Variants in TARDBP observed in about 807,000 individuals in gnomAD.
TARDBP encodes the protein TAR DNA binding protein, also known as TAR DNA-binding protein 43.
TARDBP carries 4 observed loss-of-function variants against 38.3 expected under a neutral mutation model. The ratio of observed to expected loss-of-function variants is 0.10; its 90% CI spans 0.05 to 0.24. The LOEUF (loss-of-function observed/expected upper bound fraction) is 0.24, where lower values mean the gene tolerates loss of function less well. Ranked by LOEUF, TARDBP falls within the 10% of genes least tolerant of loss-of-function variation. TARDBP has a pLI of 1.00. For missense variants in TARDBP, 202 were observed against 521.9 expected (o/e 0.39, Z 5.97); for synonymous variants, 184 against 183.8 (o/e 1.00, Z -0.01).
At chr1:11,020,731 C>T (rs1643619801) in intron 5 of TARDBP, 132 bp downstream of exon 5, 6 of 880,124 alleles carry the variant, frequency 6.8e-6, no homozygotes, top group East Asian at 2.7e-5. Flanking sequence ...CATGGTGAAA[C>T]CCCGTCTCTA....
chr1:11,016,772 G>C lies in TARDBP; in HGVS notation c.239-72G>C, dbSNP rs1488807072. ...GTCTTCTTTTTGCTTCTCATTTCTAGATGTAGGAGGTAGTGTTTTTAAAGA... is the reference window on the plus strand; with the variant it reads ...GTCTTCTTTTTGCTTCTCATTTCTACATGTAGGAGGTAGTGTTTTTAAAGA... On this transcript the variant is annotated intron_variant, in intron 2 of 5. Coordinates refer to ENST00000240185, the MANE Select transcript of TARDBP (RefSeq NM_007375.4). The C allele has an allele frequency of 1.8e-5, 27 of 1,480,198 alleles. No homozygotes were observed. In the Admixed American group the frequency reaches 3.4e-4, roughly 18 times the overall value. 91.7% of individuals were successfully genotyped at this position (1,480,198 alleles called of 1,614,324 possible).
Position 11,023,318 on chromosome 1 carries a change from G to A in TARDBP, c.*664G>A, listed in dbSNP as rs1643677340. The stretch of plus-strand genomic sequence containing the variant: ...AATTCGTCATCACGCATCACAGGCC[G>A]CGTCTTTGACGGTGGGTGTCCCATT... On this transcript the variant is annotated 3_prime_UTR_variant, in exon 6 of 6. Coordinates refer to ENST00000240185, the MANE Select transcript of TARDBP (RefSeq NM_007375.4). 9.3e-6 allele frequency: 14 copies of A among 1,501,804 alleles called. No individual in the cohort carries two copies. Among genetic ancestry groups the A allele is most frequent in the African/African-American group, 5.5e-5 (4 of 72,136 alleles). The allele number at this position is 1,501,804 out of a possible 1,614,324, so 93.0% of individuals were successfully genotyped here.
intron 1 of TARDBP, 41 bp from the exon 2 acceptor site, chr1:11,013,675 C>T (rs1432129026): frequency 1.4e-6 from 2 of 1,460,820 alleles, no homozygotes; most frequent in African/African-American, 1.4e-5. Flanking sequence ...AACAGTTATT[C>T]TGACATGAAT....
chr1:11,022,535 G>A lies in TARDBP; in HGVS notation c.1126G>A (p.Gly376Ser), dbSNP rs1643661903. 2 of 1,587,982 alleles carry A rather than the reference G, an allele frequency of 1.3e-6. No individual in the cohort carries two copies. The highest frequency in any genetic ancestry group is 1.7e-5 in the Admixed American group (1 of 57,284). The change falls in exon 6 of 6, where the codon GGC (glycine) becomes AGC (serine). Residue 376 changes from glycine (G) to serine (S), a missense_variant. By Grantham distance (56) the Gly-to-Ser change is moderately conservative (BLOSUM62 0). Coordinates refer to ENST00000240185, the MANE Select transcript of TARDBP (RefSeq NM_007375.4). This position sits in a 1 kb window ranked among gnomAD's most constrained non-coding sequence, Gnocchi z 4.5. ...CGGTTCTGGAAATAACTCTTATAGT[G>A]GCTCTAATTCTGGTGCAGCAATTGG... Reference protein sequence around the residue: ...AFGSGNNSYSGSNSGAAIGWG... With the variant: ...AFGSGNNSYSSSNSGAAIGWG...
In TARDBP at chr1:11,019,157, A is replaced by G. The variant is rs140805027; in HGVS notation, c.543+284A>G. The G allele has an allele frequency of 9.1e-5, 40 of 438,554 alleles. 1 individual carries two copies. The highest frequency in any genetic ancestry group is 7.8e-4 in the South Asian group (36 of 46,328). 27.2% of individuals were successfully genotyped at this position (438,554 alleles called of 1,614,324 possible). A position where few individuals can be genotyped will look rare whatever the true frequency, so the allele number is the denominator to read the frequency against. ...TTGTCAAGTTAATAGTTTCTTACAT[A>G]GTTATATGTTAAAACATAAAGAGAA... On this transcript the variant is annotated intron_variant, in intron 4 of 5. Coordinates refer to ENST00000240185, the MANE Select transcript of TARDBP (RefSeq NM_007375.4).
chr1:11,023,359 T>C lies in TARDBP; in HGVS notation c.*705T>C, dbSNP rs1303363868. 4 of 1,172,750 alleles carry C rather than the reference T, an allele frequency of 3.4e-6. No homozygotes were observed. Among genetic ancestry groups the C allele is most frequent in the Non-Finnish European group, 4.9e-6 (4 of 810,796 alleles). The allele number at this position is 1,172,750 out of a possible 1,614,324, so 72.6% of individuals were successfully genotyped here. A position where few individuals can be genotyped will look rare whatever the true frequency, so the allele number is the denominator to read the frequency against. The stretch of plus-strand genomic sequence containing the variant: ...GTGTCCCATTTTTATCCGCTACTCT[T>C]TATTTCATGGAGTCGTATCAACGCT... On this transcript the variant is annotated 3_prime_UTR_variant, in exon 6 of 6. Transcript: ENST00000240185.
rs1172004009 is a variant in TARDBP, at chr1:11,025,134, G to GT, written c.*2481dup. On this transcript the variant is annotated 3_prime_UTR_variant, in exon 6 of 6. Coordinates refer to ENST00000240185, the MANE Select transcript of TARDBP (RefSeq NM_007375.4). ...GCACTTGCACTATTACTCAGCAGCA[G>GT]TAACATGGTAACACTTAAAATGGTA... is the stretch of plus-strand genomic sequence containing the variant. 6 of 152,622 alleles carry GT rather than the reference G, an allele frequency of 3.9e-5. No homozygotes were observed. Among genetic ancestry groups the GT allele is most frequent in the African/African-American group, 1.4e-4 (6 of 41,534 alleles). The allele number at this position is 152,622 out of a possible 1,614,324, so 9.5% of individuals were successfully genotyped here.
At chr1:11,018,964 G>A (rs1279303922) in intron 4 of TARDBP, 91 bp downstream of exon 4, 49 of 1,570,968 alleles carry the variant, frequency 3.1e-5, no homozygotes, top group South Asian at 3.3e-5. Flanking sequence ...AAAAGATAGC[G>A]GCAGGGTGTG....
chr1:11,027,463 G>A, downstream of TARDBP: 3 of 1,614,158 alleles, frequency 1.9e-6, no homozygotes, highest in Non-Finnish European at 2.5e-6. Flanking sequence ...CGAATGTCCA[G>A]GGCGGATGCA....
intron 4 of TARDBP, among the ~76,000 whole-genome samples, chr1:11,019,824 C>G (rs565567032): frequency 8.6e-5 from 13 of 151,616 alleles, no homozygotes; most frequent in African/African-American, 2.9e-4. Context: ...TCTCGGGCTC[C>G]CAAAGTGCTG....
At position 11,022,186 on chromosome 1, in the gene TARDBP, T is replaced by C. The variant is rs764385204; in HGVS notation, c.777T>C (p.Asn259=). Residue 259 remains asparagine (N), a synonymous_variant, in exon 6 of 6, where the codon AAT becomes AAC. Coordinates refer to ENST00000240185, the MANE Select transcript of TARDBP (RefSeq NM_007375.4). This position sits in a 1 kb window ranked among gnomAD's most constrained non-coding sequence, Gnocchi z 4.5. ...AAGGAATCAGCGTTCATATATCCAA[T>C]GCCGAACCTAAGCACAATAGCAATA... is the stretch of plus-strand genomic sequence containing the variant. ...IIKGISVHIS[N]AEPKHNSNRQ... The C allele has an allele frequency of 1.2e-6, 2 of 1,614,004 alleles. No individual in the cohort carries two copies. The highest frequency in any genetic ancestry group is 1.7e-4 in the Middle Eastern group (1 of 6,056).
chr1:11,016,873 G>A lies in TARDBP; in HGVS notation c.268G>A (p.Ala90Thr). Residue 90 changes from alanine to threonine, a missense_variant, in exon 3 of 6, where the codon GCT becomes ACT. Ala to Thr is a moderately conservative substitution (Grantham distance 58). Around this residue, in one of 5 missense-constraint regions of TARDBP, gnomAD observed 71 missense variants for 185.4 expected, o/e 0.38. Coordinates refer to ENST00000240185, the MANE Select transcript of TARDBP (RefSeq NM_007375.4). ...DNKRKMDETD[A>T]SSAVKVKRAV... ...CAAAAGAAAAATGGATGAGACAGAT[G>A]CTTCATCAGCAGTGAAAGTGAAAAG... The A allele has an allele frequency of 1.2e-6, 2 of 1,614,150 alleles. No homozygotes were observed. The highest frequency in any genetic ancestry group is 1.1e-5 in the South Asian group (1 of 91,084).
At chr1:11,019,019 C>T in intron 4 of TARDBP, 146 bp downstream of exon 4, 7 of 1,053,946 alleles carry the variant, frequency 6.6e-6, no homozygotes, top group Non-Finnish European at 2.9e-6. Flanking sequence ...GCCCTTAGTG[C>T]ATGCTGAATA....
intron 2 of TARDBP, among the ~76,000 whole-genome samples, chr1:11,014,419 G>T (rs1177540719): frequency 6.6e-6 from 1 of 152,126 alleles, no homozygotes; most frequent in Non-Finnish European, 1.5e-5. Flanking sequence ...ACAATTTCGA[G>T]GTTCTGGTCT....
At chr1:11,016,520 T>G (rs933741647) in intron 2 of TARDBP, among the ~76,000 whole-genome samples, 1 of 152,214 alleles carries the variant, frequency 6.6e-6, no homozygotes, top group African/African-American at 2.4e-5. Flanking sequence ...TTCATCAGGA[T>G]ATACAAGTTG....
downstream of TARDBP, chr1:11,027,043 C>G: frequency 1.3e-6 from 2 of 1,595,312 alleles, no homozygotes; most frequent in Non-Finnish European, 8.5e-7. Context: ...ACCAGTGCCC[C>G]TCCGCTGTCA....
chr1:11,024,070 A>G lies in TARDBP; in HGVS notation c.*1416A>G, dbSNP rs1187530077. On this transcript the variant is annotated 3_prime_UTR_variant, in exon 6 of 6. Coordinates refer to ENST00000240185, the MANE Select transcript of TARDBP (RefSeq NM_007375.4). The stretch of plus-strand genomic sequence containing the variant: ...ATGTGTCTTTGTTTTGCAGCCCTGA[A>G]TGCAAAGAATTCATAGCAGTTAATT... The G allele has an allele frequency of 1.3e-5, 2 of 152,642 alleles. No individual in the cohort carries two copies. Among genetic ancestry groups the G allele is most frequent in the Non-Finnish European group, 2.9e-5 (2 of 68,038 alleles). 9.5% of individuals were successfully genotyped at this position (152,642 alleles called of 1,614,324 possible).
In TARDBP at chr1:11,024,694, A is replaced by G. The variant is rs1399164581; in HGVS notation, c.*2040A>G. On this transcript the variant is annotated 3_prime_UTR_variant, in exon 6 of 6. Coordinates refer to ENST00000240185, the MANE Select transcript of TARDBP (RefSeq NM_007375.4). ...TTAAGTGGAATGGGCTTTGTCCTCCAGGAGGTGGGGGAATGTGGTAACATT... is the reference window on the plus strand; with the variant it reads ...TTAAGTGGAATGGGCTTTGTCCTCCGGGAGGTGGGGGAATGTGGTAACATT... 1 of 152,752 alleles carries G rather than the reference A, an allele frequency of 6.5e-6. No individual in the cohort carries two copies. The highest frequency in any genetic ancestry group is 2.4e-5 in the African/African-American group (1 of 41,460). The allele number at this position is 152,752 out of a possible 1,614,324, so 9.5% of individuals were successfully genotyped here.
downstream of TARDBP, chr1:11,029,984 G>A (rs1249690946): frequency 4.1e-6 from 2 of 493,070 alleles, no homozygotes; most frequent in East Asian, 7.1e-5. Flanking sequence ...AATGACTGAT[G>A]CAGTCAGCAC....
Sources: gnomAD v4.1 joint callset for allele counts (sites outside exome capture counted in the v4.1 genomes callset) on GRCh38, gnomAD v4.1.1 for gene constraint, gnomAD v4.1.1 regional missense constraint, Gnocchi (gnomAD v3.1) non-coding constraint, MANE v1.5 for transcripts, NCBI Gene and HGNC (gene_info 2026-07-23, HGNC 2026-07-21) for gene names.